CES5A: variants seen among roughly 807,000 people sequenced by gnomAD.
CES5A encodes the protein carboxylesterase 5.
A neutral mutation model predicts 62.9 loss-of-function variants in CES5A; 67 were observed. The ratio of observed to expected loss-of-function variants is 1.07; its 90% confidence interval spans 0.88 to 1.31. The LOEUF is 1.31. Among genes scored for constraint, CES5A ranks in the 50% most tolerant of loss-of-function variants. The probability of loss-of-function intolerance (pLI) is 0.00; values close to 1 mark genes in which losing one functional copy is unlikely to be tolerated. For missense variants in CES5A, 748 were observed against 708.5 expected, an observed-to-expected ratio of 1.06 and a Z score of -0.63; for synonymous variants, 296 against 280.8, an observed-to-expected ratio of 1.05 and a Z score of -0.54.
At chr16:55,851,537 T>G (rs1247914733) in intron 10 of CES5A, among the ~76,000 whole-genome samples, 1 of 152,220 alleles carries the variant, frequency 6.6e-6, no homozygotes, top group Admixed American at 6.5e-5. Flanking sequence ...GCACCCCTTG[T>G]GCATTGCTGG....
chr16:55,863,541 A>C (rs1198851349), intron 5 of CES5A, 89 bp from the exon 6 acceptor site: 1 of 768,036 alleles, frequency 1.3e-6, no homozygotes, highest in African/African-American at 1.7e-5. Flanking sequence ...CTTCCCAGGA[A>C]GCCTCCTTAA....
chr16:55,935,302 A>G (rs1460125568), intron 2 of CES5A, among the ~76,000 whole-genome samples: 1 of 152,248 alleles, frequency 6.6e-6, no homozygotes, highest in Non-Finnish European at 1.5e-5. Flanking sequence ...CCAGCTCAAA[A>G]CAGGCAGAAA....
upstream of CES5A, among the ~76,000 whole-genome samples, chr16:55,926,321 T>C (rs1195196387): frequency 2.0e-5 from 3 of 152,158 alleles, no homozygotes; most frequent in East Asian, 1.9e-4. Flanking sequence ...CCAATAACTA[T>C]GAAGGGACTT....
intron 2 of CES5A, among the ~76,000 whole-genome samples, chr16:55,943,403 G>A (rs958690334): frequency 5.3e-5 from 8 of 152,154 alleles, no homozygotes; most frequent in African/African-American, 1.9e-4. Context: ...CAGGTGTTAG[G>A]ACTCCACAGC....
At chr16:55,944,926 C>G (rs1462429463) in intron 2 of CES5A, among the ~76,000 whole-genome samples, 2 of 152,218 alleles carry the variant, frequency 1.3e-5, no homozygotes, top group Non-Finnish European at 2.9e-5. Context: ...AGACCCTATA[C>G]TCAAGGGAAA....
At chr16:55,923,373 G>A (rs1021276974) in intron 1 of CES5A, among the ~76,000 whole-genome samples, 1 of 151,608 alleles carries the variant, frequency 6.6e-6, no homozygotes, top group Non-Finnish European at 1.5e-5. Context: ...AAGATTATAA[G>A]AAACTAGTAT....
intron 5 of CES5A, among the ~76,000 whole-genome samples, chr16:55,865,516 G>C (rs573046125): frequency 6.6e-6 from 1 of 152,304 alleles, no homozygotes; most frequent in Non-Finnish European, 1.5e-5. Flanking sequence ...GTTGGAAATC[G>C]AGTCAGCAGA....
In CES5A at chr16:55,871,622, T is replaced by C; in HGVS notation, c.417+3A>G. On this transcript the variant is annotated splice_donor_region_variant and intron_variant, in intron 3 of 12. Coordinates refer to ENST00000290567, the MANE Select transcript of CES5A (RefSeq NM_001143685.2). ...GCCCGAAGCACACAGCAGGCAGCCT[T>C]ACGGGGAGCTTGGAGCCTGTATCGG... 1.2e-6 allele frequency: 2 copies of C among 1,613,964 alleles called. No individual in the cohort carries two copies. The highest frequency in any genetic ancestry group is 1.7e-6 in the Non-Finnish European group (2 of 1,179,992).
intron 2 of CES5A, among the ~76,000 whole-genome samples, chr16:55,941,801 G>A (rs1195475079): frequency 6.6e-6 from 1 of 152,052 alleles, no homozygotes; most frequent in Non-Finnish European, 1.5e-5. Flanking sequence ...TTCTTGGGGT[G>A]ATCAAATCGT....
chr16:55,869,407 G>C, intron 4 of CES5A: 1 of 984,190 alleles, frequency 1.0e-6, no homozygotes, highest in East Asian at 3.2e-5. Flanking sequence ...CTTTACCCAA[G>C]TGAGAAAGAG....
intron 2 of CES5A, among the ~76,000 whole-genome samples, chr16:55,940,408 A>G (rs2034433519): frequency 2.6e-5 from 4 of 152,034 alleles, no homozygotes; most frequent in African/African-American, 9.7e-5. Context: ...CAAACATAAT[A>G]CATATAAATT....
At chr16:55,931,723 C>T (rs879359554) in intron 2 of CES5A, among the ~76,000 whole-genome samples, 13 of 152,190 alleles carry the variant, frequency 8.5e-5, no homozygotes, top group Non-Finnish European at 2.9e-5. Context: ...AACCTTCCCC[C>T]AAATTAGGTT....
chr16:55,926,685 G>C (rs1656092995), upstream of CES5A, among the ~76,000 whole-genome samples: 1 of 152,200 alleles, frequency 6.6e-6, no homozygotes, highest in South Asian at 2.1e-4. Context: ...TGCTGGAGAA[G>C]GACTCTCTGG....
At chr16:55,948,506 A>G (rs1342989293) in intron 2 of CES5A, among the ~76,000 whole-genome samples, 2 of 152,200 alleles carry the variant, frequency 1.3e-5, no homozygotes, top group African/African-American at 4.8e-5. Flanking sequence ...GTCCTGTACC[A>G]TAAAGATAAG....
At chr16:55,862,839 C>T (rs1272407857) in intron 6 of CES5A, among the ~76,000 whole-genome samples, 4 of 152,102 alleles carry the variant, frequency 2.6e-5, no homozygotes, top group Non-Finnish European at 4.4e-5. Flanking sequence ...ACAGAGAGAT[C>T]CTGGTCTCTA....
intron 1 of CES5A, among the ~76,000 whole-genome samples, chr16:55,921,842 A>T (rs1000584615): frequency 6.6e-6 from 1 of 152,056 alleles, no homozygotes; most frequent in Non-Finnish European, 1.5e-5. Context: ...GGGTAATATA[A>T]AAATATGTAA....
intron 2 of CES5A, among the ~76,000 whole-genome samples, chr16:55,932,356 T>G (rs2034322860): frequency 6.6e-6 from 1 of 152,140 alleles, no homozygotes; most frequent in African/African-American, 2.4e-5. Flanking sequence ...TCTCAGGTAT[T>G]CAGTTGTAGC....
chr16:55,954,105 T>C (rs1475536333), intron 1 of CES5A, among the ~76,000 whole-genome samples: 2 of 152,190 alleles, frequency 1.3e-5, no homozygotes, highest in Non-Finnish European at 2.9e-5. Context: ...AGTTCAATTG[T>C]TTTAATTTTT....
intron 4 of CES5A, among the ~76,000 whole-genome samples, chr16:55,869,183 C>T (rs1223373122): frequency 2.6e-5 from 4 of 152,214 alleles, no homozygotes; most frequent in African/African-American, 4.8e-5. Context: ...TGACTGAGTT[C>T]TGCCAATGGC....
Sources: gnomAD v4.1 joint callset for allele counts (sites outside exome capture counted in the v4.1 genomes callset) on GRCh38, gnomAD v4.1.1 for gene constraint, MANE v1.5 for transcripts, NCBI Gene and HGNC (gene_info 2026-07-23, HGNC 2026-07-21) for gene names.